The following ANK3 variants were observed in gnomAD, a reference collection of about 807,000 sequenced individuals.
The protein encoded by ANK3 is ankyrin 3, also known as ankyrin-3.
In ANK3, 57 loss-of-function variants were observed where a neutral mutation model predicts 370.9. That is an observed-to-expected ratio of 0.15 (90% CI 0.12 to 0.19). The LOEUF is 0.19. ANK3 is among the 10% of genes least tolerant of loss of function. ANK3 has a pLI of 1.00. For synonymous variants in ANK3, 1,929 were observed against 1,946.3 expected (o/e 0.99, Z 0.23); for missense variants, 4,439 against 5,302.1 (o/e 0.84, Z 5.06).
At chr10:60,407,466 T>C (rs374248683) in intron 2 of ANK3, among the ~76,000 whole-genome samples, 6 of 152,220 alleles carry the variant, frequency 3.9e-5, no homozygotes, top group Non-Finnish European at 7.3e-5. Flanking sequence ...GAGTGTTATG[T>C]TACAAGGGAA....
At chr10:60,181,054 C>T (rs575946319) in intron 18 of ANK3, among the ~76,000 whole-genome samples, 1 of 152,206 alleles carries the variant, frequency 6.6e-6, no homozygotes, top group East Asian at 1.9e-4. Flanking sequence ...CACTCTGCCC[C>T]GAAGGACACA....
chr10:60,389,530 A>T lies in ANK3; in HGVS notation c.9T>A (p.His3Gln). MA[H>Q]AASQLKKNRD... ...TGTTTTTCTTTAATTGTGAGGCTGC[A>T]TGAGCCATAATGCATTTAAAAAGAT... The change falls in exon 1 of 44, where the codon CAT becomes CAA. Residue 3 changes from histidine to glutamine, a missense_variant. Physicochemically the swap from His to Gln is conservative, Grantham distance 24. Transcript: ENST00000280772. 6.2e-7 allele frequency: 1 copy of T among 1,613,724 alleles called. No homozygotes were observed. The highest frequency in any genetic ancestry group is 8.5e-7 in the Non-Finnish European group (1 of 1,179,898).
intron 11 of ANK3, among the ~76,000 whole-genome samples, chr10:60,203,407 GTT>G (rs2096715006): frequency 6.6e-6 from 1 of 152,118 alleles, no homozygotes; most frequent in South Asian, 2.1e-4. Flanking sequence ...CTTGAAGGTT[GTT>G]TTCCCCTTTA....
In ANK3 at chr10:60,167,651, A is replaced by T. The variant is rs1035831641; in HGVS notation, c.2479-755T>A. Among the ~76,000 whole-genome samples the T allele has an allele frequency of 1.0e-4, 15 of 148,428 alleles. No individual in the cohort carries two copies. In the East Asian group the frequency reaches 2.9e-3, roughly 29 times the overall value. On this transcript the variant is annotated intron_variant, in intron 21 of 43. Coordinates refer to ENST00000280772, the MANE Select transcript of ANK3 (RefSeq NM_020987.5). Reference sequence around the variant, plus strand: ...AAAATCTTAATGACCTTAGTTTAAAAGTGAGTTTTTTTTTTGTTTTGTTTT... The same window carrying T: ...AAAATCTTAATGACCTTAGTTTAAATGTGAGTTTTTTTTTTGTTTTGTTTT...
intron 2 of ANK3, among the ~76,000 whole-genome samples, chr10:60,492,236 T>C (rs2075526469): frequency 6.6e-6 from 1 of 152,212 alleles, no homozygotes; most frequent in African/African-American, 2.4e-5. Flanking sequence ...TGTTAGATTA[T>C]ATTCCTCTCA....
chr10:60,068,114 C>T, intron 37 of ANK3, 105 bp from the exon 38 acceptor site: 2 of 952,780 alleles, frequency 2.1e-6, no homozygotes, highest in East Asian at 2.5e-5. Flanking sequence ...AATGCTAACA[C>T]TGTACACTGA....
At chr10:60,695,121 T>G (rs57548183) in intron 1 of ANK3, among the ~76,000 whole-genome samples, 1,611 of 151,342 alleles carry the variant, frequency 0.011, 25 homozygotes, top group African/African-American at 0.037. Flanking sequence ...AAACAGACTT[T>G]AAACCAACAA....
At chr10:60,693,857 G>A (rs984275385) in intron 1 of ANK3, among the ~76,000 whole-genome samples, 1 of 152,186 alleles carries the variant, frequency 6.6e-6, no homozygotes, top group African/African-American at 2.4e-5. Context: ...CTCCTCCAAA[G>A]GAATGCAGTT....
In ANK3 at chr10:60,042,580, AGGAC is replaced by A. The variant is rs2076289888; in HGVS notation, c.*19+88_*19+91del. ...AAAGCTGAAATTCAGTGAAAAGGAAAGGACGGGGAAAATCAGAATCACTTATTTA... is the reference window on the plus strand; with the variant it reads ...AAAGCTGAAATTCAGTGAAAAGGAAAGGGGAAAATCAGAATCACTTATTTA... On this transcript the variant is annotated intron_variant, in intron 43 of 43. Transcript: ENST00000280772. 1.0e-5 allele frequency: 13 copies of A among 1,257,906 alleles called. No homozygotes were observed. The South Asian group carries it at 1.7e-4, about 17-fold the overall frequency. The allele number at this position is 1,257,906 out of a possible 1,614,324, so 77.9% of individuals were successfully genotyped here. A position where few individuals can be genotyped will look rare whatever the true frequency, so the allele number is the denominator to read the frequency against.
rs545831512 is a variant in ANK3, at chr10:60,055,315, GA to G, written c.13065+342del. ...AGGAAGAACACGGAGTGGGAGTTAG[GA>G]AACCTAAATCCCAGATAAAATACTG... On this transcript the variant is annotated intron_variant, in intron 42 of 43. Transcript: ENST00000280772. Among the ~76,000 whole-genome samples the G allele has an allele frequency of 5.6e-4, 85 of 152,268 alleles. No homozygotes were observed. In the Middle Eastern group the frequency reaches 0.02, roughly 37 times the overall value.
chr10:60,531,437 T>C (rs1212697736), intron 2 of ANK3, among the ~76,000 whole-genome samples: 1 of 152,100 alleles, frequency 6.6e-6, no homozygotes, highest in Non-Finnish European at 1.5e-5. Flanking sequence ...AACTGTAATA[T>C]TAGTTGCCTC....
chr10:60,637,136 T>G (rs1229072418), intron 1 of ANK3, among the ~76,000 whole-genome samples: 8 of 152,232 alleles, frequency 5.3e-5, no homozygotes, highest in African/African-American at 1.7e-4. Flanking sequence ...TTTCTCTCTT[T>G]AACCTTATTA....
Position 60,220,870 on chromosome 10 carries a change from C to G in ANK3, c.898-7360G>C, listed in dbSNP as rs1591952479. Among the ~76,000 whole-genome samples, 3 of 152,306 alleles carry G rather than the reference C, an allele frequency of 2.0e-5. No homozygotes were observed. In the Middle Eastern group the frequency reaches 0.01, roughly 518 times the overall value. On this transcript the variant is annotated intron_variant, in intron 8 of 43. Transcript: ENST00000280772. ...TCAAATATCTTACCAGTGTCTGACT[C>G]TTTTCATCAAGAATTTCAAACTGTG...
Position 60,426,074 on chromosome 10 carries a change from C to T in ANK3, c.97-146435G>A, listed in dbSNP as rs150565159. 3.0e-3 allele frequency among the ~76,000 whole-genome samples: 454 copies of T among 152,116 alleles called. 3 individuals are homozygous for T. Among genetic ancestry groups the T allele is most frequent in the African/African-American group, 0.01 (423 of 41,530 alleles). ...GGGGAAGCAAAAATATTTGAAAAAG[C>T]TTGAAGTGGTATACAAATGTTTACC... On this transcript the variant is annotated intron_variant, in intron 2 of 43. Coordinates refer to the ANK3 transcript ENST00000373827.
chr10:60,284,248 G>A (rs1458246856), intron 1 of ANK3, among the ~76,000 whole-genome samples: 1 of 152,148 alleles, frequency 6.6e-6, no homozygotes, highest in Non-Finnish European at 1.5e-5. Context: ...GTCTTTAGAG[G>A]AAGTGTGATT....
chr10:60,249,343 C>G (rs758339858), intron 7 of ANK3, among the ~76,000 whole-genome samples: 3 of 152,048 alleles, frequency 2.0e-5, no homozygotes, highest in African/African-American at 4.8e-5. Context: ...AAAGTCCATC[C>G]CCTTTTGTTT....
At chr10:60,310,188 G>A (rs1262687279) in intron 1 of ANK3, among the ~76,000 whole-genome samples, 1 of 152,056 alleles carries the variant, frequency 6.6e-6, no homozygotes, top group Non-Finnish European at 1.5e-5. Context: ...GCCTCCCAGA[G>A]TGGTGGGAAT....
rs777002312 is a variant in ANK3, at chr10:60,198,502, C to T, written c.1527G>A (p.Leu509=). 6.2e-7 allele frequency: 1 copy of T among 1,614,180 alleles called. No homozygotes were observed. The highest frequency in any genetic ancestry group is 8.5e-7 in the Non-Finnish European group (1 of 1,180,034). ...DQTPLHISAR[L]GKADIVQQLL... ...GCTGTTGTACTATGTCTGCTTTCCC[C>T]AGTCGGGCTGAAATGTGGAGTGGTG... is the stretch of plus-strand genomic sequence containing the variant. The change falls in exon 14 of 44, where the codon CTG becomes CTA. Residue 509 remains leucine (L), a synonymous_variant. Transcript: ENST00000280772.
chr10:60,641,482 C>T (rs1344817225), intron 1 of ANK3, among the ~76,000 whole-genome samples: 18 of 151,234 alleles, frequency 1.2e-4, no homozygotes, highest in Non-Finnish European at 1.6e-4. Context: ...CGCCGCATAT[C>T]TACAACTATC....
Sources: allele counts gnomAD v4.1 joint callset (sites outside exome capture counted in the v4.1 genomes callset), GRCh38; gene constraint gnomAD v4.1.1; transcripts MANE v1.5; gene names NCBI Gene and HGNC (gene_info 2026-07-23, HGNC 2026-07-21).